Variants in ADNP2 observed in about 807,000 individuals in gnomAD.
ADNP2 encodes activity-dependent neuroprotector homeobox protein 2.
In ADNP2, 8 loss-of-function variants were observed where a neutral mutation model predicts 16.4. That is an observed-to-expected ratio of 0.49 (90% confidence interval 0.29 to 0.88). The LOEUF (loss-of-function observed/expected upper bound fraction) is 0.88. Among genes scored for constraint, ADNP2 ranks in the 40% least tolerant of loss-of-function variants. ADNP2 has a pLI of 0.09. For synonymous variants in ADNP2, 637 were observed against 545.8 expected, an observed-to-expected ratio of 1.17 and a Z score of -2.33; for missense variants, 1,397 against 1,395.1, an observed-to-expected ratio of 1.00 and a Z score of -0.02.
In ADNP2 at chr18:80,136,945, C is replaced by T. The variant is rs1031032788; in HGVS notation, c.1532C>T (p.Ala511Val). The T allele has an allele frequency of 6.8e-6, 11 of 1,613,878 alleles. No homozygotes were observed. The highest frequency in any genetic ancestry group is 8.5e-6 in the Non-Finnish European group (10 of 1,179,838). Reference sequence around the variant, plus strand: ...ACAGCCCCATTGAGGGTTATCTCTGCAGGCCAGGTGGTCCCGTCTGGGCTT... The same window carrying T: ...ACAGCCCCATTGAGGGTTATCTCTGTAGGCCAGGTGGTCCCGTCTGGGCTT... ...GQTAPLRVIS[A>V]GQVVPSGLLS... Residue 511 changes from alanine (A) to valine (V), a missense_variant, in exon 4 of 4, where the codon GCA becomes GTA. Coordinates refer to ENST00000262198, the MANE Select transcript of ADNP2 (RefSeq NM_014913.4).
In ADNP2 at chr18:80,138,265, C is replaced by T; in HGVS notation, c.2852C>T (p.Ala951Val). ...AAGGACAGCAGCTCAGACCTGCAGG[C>T]CCAGCCGGGTTTTATTCACAACAGT... ...APKDSSSDLQ[A>V]QPGFIHNSEL... Residue 951 changes from alanine (A) to valine (V), a missense_variant, in exon 4 of 4, where the codon GCC becomes GTC. Physicochemically the swap from Ala to Val is moderately conservative, Grantham distance 64. Transcript: ENST00000262198. The T allele has an allele frequency of 6.2e-7, 1 of 1,614,096 alleles. No individual in the cohort carries two copies. Among genetic ancestry groups the T allele is most frequent in the Non-Finnish European group, 8.5e-7 (1 of 1,180,040 alleles).
chr18:80,138,116 G>A lies in ADNP2; in HGVS notation c.2703G>A (p.Met901Ile), dbSNP rs1170340486. The A allele has an allele frequency of 1.2e-6, 2 of 1,613,976 alleles. No homozygotes were observed. The highest frequency in any genetic ancestry group is 4.5e-5 in the East Asian group (2 of 44,882). Reference sequence around the variant, plus strand: ...ATTTGAAGGAGAGGCACCACATCATGCCCACAGTCCACACGGTCCTGAAGT... The same window carrying A: ...ATTTGAAGGAGAGGCACCACATCATACCCACAGTCCACACGGTCCTGAAGT... Reference protein sequence around the residue: ...ELHLKERHHIMPTVHTVLKSP... With the variant: ...ELHLKERHHIIPTVHTVLKSP... The change falls in exon 4 of 4, where the codon ATG becomes ATA. Residue 901 changes from methionine to isoleucine, a missense_variant. Coordinates refer to ENST00000262198, the MANE Select transcript of ADNP2 (RefSeq NM_014913.4).
intron 1 of ADNP2, among the ~76,000 whole-genome samples, chr18:80,111,304 A>C (rs1298651779): frequency 2.0e-5 from 3 of 152,162 alleles, no homozygotes; most frequent in South Asian, 2.1e-4. Context: ...GCTGTTTTGC[A>C]TGTATTAACT....
In ADNP2 at chr18:80,138,762, G is replaced by A. The variant is rs2052561369; in HGVS notation, c.3349G>A (p.Glu1117Lys). 1.3e-6 allele frequency: 2 copies of A among 1,561,490 alleles called. No homozygotes were observed. The highest frequency in any genetic ancestry group is 1.4e-5 in the African/African-American group (1 of 71,084). The change falls in exon 4 of 4, where the codon GAA (glutamate) becomes AAA (lysine). Residue 1117 changes from glutamate to lysine, a missense_variant. Coordinates refer to ENST00000262198, the MANE Select transcript of ADNP2 (RefSeq NM_014913.4). ...TGTACTTTTAGGCTTTGATATGTCT[G>A]AACTTAAAAATGTGAAACATAGATT... ...PSVLLGFDMS[E>K]LKNVKHRLNF... is the part of the protein sequence containing the mutation.
intron 3 of ADNP2, among the ~76,000 whole-genome samples, chr18:80,135,234 G>A (rs1285180507): frequency 1.3e-5 from 2 of 152,172 alleles, no homozygotes; most frequent in East Asian, 1.9e-4. Flanking sequence ...GCTAGGAGTG[G>A]TTGTTAGGCT....
chr18:80,124,753 G>A (rs1041963216), intron 2 of ADNP2, among the ~76,000 whole-genome samples: 1 of 152,014 alleles, frequency 6.6e-6, no homozygotes, highest in Non-Finnish European at 1.5e-5. Context: ...GCTACCTAGG[G>A]GCTGCCAACC....
intron 2 of ADNP2, among the ~76,000 whole-genome samples, chr18:80,128,478 C>T (rs762791904): frequency 8.5e-5 from 13 of 152,094 alleles, no homozygotes; most frequent in Middle Eastern, 3.4e-3. Context: ...GGTGAAACCC[C>T]GTCTCTACTA....
At chr18:80,126,199 C>T (rs1568411456) in intron 2 of ADNP2, among the ~76,000 whole-genome samples, 1 of 152,050 alleles carries the variant, frequency 6.6e-6, no homozygotes, top group Non-Finnish European at 1.5e-5. Flanking sequence ...ACTACTTCTT[C>T]TACAGTATAA....
rs138962680 is a variant in ADNP2, at chr18:80,133,144, C to A, written c.150C>A (p.Asn50Lys). 234 of 1,612,728 alleles carry A rather than the reference C, an allele frequency of 1.5e-4. 3 individuals are homozygous for A. In the Middle Eastern group the frequency reaches 2.1e-3, roughly 15 times the overall value. ...ATCCAGGAGAGAAATACTTTCATAA[C>A]ACATCATGGGGTGATGTTTCTCTCT... ...GFDPGEKYFHNTSWGDVSLWE... is the reference protein window; with the variant it reads ...GFDPGEKYFHKTSWGDVSLWE... Residue 50 changes from asparagine (N) to lysine (K), a missense_variant, in exon 3 of 4, where the codon AAC (asparagine) becomes AAA (lysine). Physicochemically the swap from Asn to Lys is moderately conservative, Grantham distance 94 (BLOSUM62 0). Coordinates refer to ENST00000262198, the MANE Select transcript of ADNP2 (RefSeq NM_014913.4).
At position 80,137,485 on chromosome 18, in the gene ADNP2, A is replaced by G. The variant is rs1375239842; in HGVS notation, c.2072A>G (p.Lys691Arg). 1 of 1,614,104 alleles carries G rather than the reference A, an allele frequency of 6.2e-7. No homozygotes were observed. Among genetic ancestry groups the G allele is most frequent in the Non-Finnish European group, 8.5e-7 (1 of 1,180,052 alleles). Residue 691 changes from lysine to arginine, a missense_variant, in exon 4 of 4, where the codon AAG (lysine) becomes AGG (arginine). By Grantham distance (26) the Lys-to-Arg change is conservative. Coordinates refer to ENST00000262198, the MANE Select transcript of ADNP2 (RefSeq NM_014913.4). This position sits in a 1 kb window ranked among gnomAD's most constrained non-coding sequence, Gnocchi z 4.2. ...ADTNQVLKQA[K>R]QWKTCPVCNE... ...ACAAACCAGGTGCTCAAACAGGCCA[A>G]GCAGTGGAAGACCTGCCCTGTCTGC...
At chr18:80,127,744 T>C (rs188889983) in intron 2 of ADNP2, among the ~76,000 whole-genome samples, 167 of 152,342 alleles carry the variant, frequency 1.1e-3, no homozygotes, top group African/African-American at 3.7e-3. Context: ...TTTTTAAGCA[T>C]TGCTAGAGTG....
intron 2 of ADNP2, among the ~76,000 whole-genome samples, chr18:80,123,971 T>G (rs535453759): frequency 1.3e-5 from 2 of 151,950 alleles, no homozygotes; most frequent in African/African-American, 2.4e-5. Context: ...CTCAAATGAT[T>G]TACCCACCTC....
rs1437152279 is a variant in ADNP2, at chr18:80,135,666, C to G, written c.253C>G (p.Leu85Val). Residue 85 changes from leucine (L) to valine (V), a missense_variant, in exon 4 of 4, where the codon CTT becomes GTT. This residue lies in a region of ADNP2 where 777 missense variants were observed against 719.4 expected (regional missense o/e 1.08). Coordinates refer to ENST00000262198, the MANE Select transcript of ADNP2 (RefSeq NM_014913.4). ...CCTCTGTAAATACTCTACAAAGGTG[C>G]TTACTTCATTCAAGAATCATTTACA... is the stretch of plus-strand genomic sequence containing the variant. ...CGLCKYSTKV[L>V]TSFKNHLHRY... The G allele has an allele frequency of 1.2e-6, 2 of 1,614,066 alleles. No homozygotes were observed. The highest frequency in any genetic ancestry group is 1.7e-5 in the Admixed American group (1 of 60,002).
chr18:80,120,187 C>T (rs767717448), intron 2 of ADNP2, among the ~76,000 whole-genome samples: 31 of 152,176 alleles, frequency 2.0e-4, no homozygotes, highest in Non-Finnish European at 3.4e-4. Context: ...TCAGAGTTCA[C>T]TTTTATAATA....
At chr18:80,132,523 C>T (rs531572908) in intron 2 of ADNP2, among the ~76,000 whole-genome samples, 390 of 152,270 alleles carry the variant, frequency 2.6e-3, no homozygotes, top group African/African-American at 9.0e-3. Flanking sequence ...TTTCATTTCT[C>T]TTTTCCCCTG....
At chr18:80,126,335 G>GA (rs2052458596) in intron 2 of ADNP2, among the ~76,000 whole-genome samples, 1 of 151,948 alleles carries the variant, frequency 6.6e-6, no homozygotes, top group Non-Finnish European at 1.5e-5. Context: ...CTGTAAAAAA[G>GA]AAAAAAATTA....
Position 80,140,057 on chromosome 18 carries a change from A to C in ADNP2, c.*1248A>C, listed in dbSNP as rs931328973. On this transcript the variant is annotated 3_prime_UTR_variant, in exon 4 of 4. Transcript: ENST00000262198. ...GACCAGCCAGTTTAGATGGTAAGTC[A>C]TATTTCTGGTGGTACACAGCAGAGG... The C allele has an allele frequency of 1.3e-5, 2 of 152,186 alleles. No homozygotes were observed. The highest frequency in any genetic ancestry group is 2.9e-5 in the Non-Finnish European group (2 of 68,032). 9.4% of individuals were successfully genotyped at this position (152,186 alleles called of 1,614,324 possible).
intron 2 of ADNP2, among the ~76,000 whole-genome samples, chr18:80,121,870 C>T (rs2052427283): frequency 6.6e-6 from 1 of 152,010 alleles, no homozygotes; most frequent in African/African-American, 2.4e-5. Flanking sequence ...TTTCTGTACT[C>T]TCAGTTCTAT....
intron 1 of ADNP2, among the ~76,000 whole-genome samples, chr18:80,112,169 A>C (rs2052361842): frequency 6.6e-6 from 1 of 152,206 alleles, no homozygotes; most frequent in African/African-American, 2.4e-5. Context: ...AGGATCTATA[A>C]ATATGAAAAC....
Sources: gnomAD v4.1 joint callset for allele counts (sites outside exome capture counted in the v4.1 genomes callset) on GRCh38, gnomAD v4.1.1 for gene constraint, gnomAD v4.1.1 regional missense constraint, Gnocchi (gnomAD v3.1) non-coding constraint, MANE v1.5 for transcripts, NCBI Gene and HGNC (gene_info 2026-07-23, HGNC 2026-07-21) for gene names.